The following DLG2 variants were observed in gnomAD, a reference collection of about 807,000 sequenced individuals.
DLG2 encodes the protein disks large homolog 2.
DLG2 carries 45 observed loss-of-function variants against 132.5 expected under a neutral mutation model. The ratio of observed to expected loss-of-function variants is 0.34; its 90% CI spans 0.27 to 0.44. DLG2 has a LOEUF of 0.44. Ranked by LOEUF, DLG2 falls within the 20% of genes least tolerant of loss-of-function variation. The pLI is 1.00. For missense variants in DLG2, 1,045 were observed against 1,196.9 expected (o/e 0.87, Z 1.87); for synonymous variants, 424 against 419.6 (o/e 1.01, Z -0.13).
At chr11:83,915,617 A>ATTT (rs978355540) in intron 15 of DLG2, among the ~76,000 whole-genome samples, 2 of 152,096 alleles carry the variant, frequency 1.3e-5, no homozygotes, top group South Asian at 4.1e-4. Flanking sequence ...TTTTAAAATT[A>ATTT]TTTTTTATTA....
chr11:84,117,647 A>G (rs1017188890), intron 9 of DLG2, among the ~76,000 whole-genome samples: 3 of 152,208 alleles, frequency 2.0e-5, no homozygotes, highest in Admixed American at 1.3e-4. Flanking sequence ...CCCAGAGTAC[A>G]TTGAACTTAC....
At chr11:83,579,323 T>C (rs2096931086) in intron 19 of DLG2, among the ~76,000 whole-genome samples, 2 of 152,248 alleles carry the variant, frequency 1.3e-5, no homozygotes, top group African/African-American at 4.8e-5. Context: ...CTCTATTTTC[T>C]CAGCTGTTCT....
intron 7 of DLG2, among the ~76,000 whole-genome samples, chr11:84,478,208 T>C (rs1047462054): frequency 1.3e-5 from 2 of 152,138 alleles, no homozygotes; most frequent in African/African-American, 4.8e-5. Flanking sequence ...TTGTTTAATA[T>C]AAAAAAGCTT....
chr11:84,696,828 T>A (rs968177886), intron 6 of DLG2, among the ~76,000 whole-genome samples: 19 of 151,496 alleles, frequency 1.3e-4, no homozygotes, highest in Non-Finnish European at 2.2e-4. Context: ...AAATGTCACA[T>A]TGGTAAGTAA....
chr11:84,377,072 G>A (rs1243534027), intron 7 of DLG2, among the ~76,000 whole-genome samples: 3 of 152,070 alleles, frequency 2.0e-5, no homozygotes, highest in African/African-American at 7.2e-5. Flanking sequence ...CTAAAATTAT[G>A]ATTACCAGAT....
chr11:84,736,589 A>G (rs1162653958), intron 6 of DLG2, among the ~76,000 whole-genome samples: 3 of 151,874 alleles, frequency 2.0e-5, no homozygotes, highest in African/African-American at 4.8e-5. Flanking sequence ...ATAATTTCCA[A>G]TGTACTGATT....
intron 6 of DLG2, among the ~76,000 whole-genome samples, chr11:84,550,177 A>G (rs939514370): frequency 6.6e-6 from 1 of 152,022 alleles, no homozygotes; most frequent in African/African-American, 2.4e-5. Flanking sequence ...TATATGCTCA[A>G]TTCAGCCTTA....
chr11:84,082,693 T>C (rs1334550691), intron 10 of DLG2, among the ~76,000 whole-genome samples: 1 of 152,158 alleles, frequency 6.6e-6, no homozygotes, highest in Non-Finnish European at 1.5e-5. Flanking sequence ...CCATGTGCTG[T>C]AGTGAGAAGA....
intron 7 of DLG2, among the ~76,000 whole-genome samples, chr11:84,352,816 A>C (rs955758949): frequency 6.6e-6 from 1 of 152,218 alleles, no homozygotes; most frequent in African/African-American, 2.4e-5. Context: ...AGGACTTGTA[A>C]AAATGAATGG....
chr11:85,194,530 G>A (rs1429970713), intron 4 of DLG2, among the ~76,000 whole-genome samples: 1 of 151,768 alleles, frequency 6.6e-6, no homozygotes, highest in African/African-American at 2.4e-5. Flanking sequence ...AGATACAAAG[G>A]GCCCAGAAGT....
intron 3 of DLG2, among the ~76,000 whole-genome samples, chr11:85,437,315 A>AC (rs943499686): frequency 6.6e-6 from 1 of 151,984 alleles, no homozygotes; most frequent in Non-Finnish European, 1.5e-5. Context: ...TTAAAGTAAA[A>AC]AAAAAAACAA....
chr11:85,205,788 G>T (rs991441032), intron 4 of DLG2, among the ~76,000 whole-genome samples: 7 of 152,150 alleles, frequency 4.6e-5, no homozygotes, highest in Non-Finnish European at 1.0e-4. Context: ...AGATCAGAGT[G>T]TGATGTGGTT....
At chr11:85,317,519 G>C (rs956390551) in intron 3 of DLG2, among the ~76,000 whole-genome samples, 5 of 151,906 alleles carry the variant, frequency 3.3e-5, no homozygotes, top group Admixed American at 3.3e-4. Flanking sequence ...GGTAGAGACA[G>C]GGTCTTACTG....
intron 9 of DLG2, among the ~76,000 whole-genome samples, chr11:84,106,474 T>C (rs558288045): frequency 1.3e-4 from 20 of 152,244 alleles, no homozygotes; most frequent in Non-Finnish European, 2.4e-4. Flanking sequence ...AGTTTTTAAA[T>C]GCTATCTAAT....
chr11:84,033,577 A>C (rs1593545687), intron 11 of DLG2, among the ~76,000 whole-genome samples: 1 of 152,230 alleles, frequency 6.6e-6, no homozygotes, highest in African/African-American at 2.4e-5. Context: ...ATATTGCCTA[A>C]ATTTAGTTGA....
intron 6 of DLG2, among the ~76,000 whole-genome samples, chr11:84,552,691 G>A (rs1057236388): frequency 6.6e-6 from 1 of 152,128 alleles, no homozygotes; most frequent in African/African-American, 2.4e-5. Context: ...ATGGCTGTAG[G>A]ACCTGTGCCA....
chr11:84,174,014 C>CTTGTTTTT, intron 8 of DLG2, among the ~76,000 whole-genome samples: 1 of 61,204 alleles, frequency 1.6e-5, no homozygotes, highest in East Asian at 5.3e-4. Flanking sequence ...ACCCCCCGGC[C>CTTGTTTTT]TTTTTTTTTT....
intron 18 of DLG2, among the ~76,000 whole-genome samples, chr11:83,668,910 C>T: frequency 6.7e-6 from 1 of 149,124 alleles, no homozygotes; most frequent in Non-Finnish European, 1.5e-5. Context: ...AGCCCAGGAA[C>T]AGTTATTCGC....
intron 7 of DLG2, chr11:84,437,562 T>C (rs559394272): frequency 2.0e-5 from 3 of 152,178 alleles, no homozygotes; most frequent in Admixed American, 6.5e-5. Flanking sequence ...AGCTGTCACT[T>C]GCAGGCTGTT....
Sources: gnomAD v4.1 joint callset for allele counts (sites outside exome capture counted in the v4.1 genomes callset) on GRCh38, gnomAD v4.1.1 for gene constraint, MANE v1.5 for transcripts, NCBI Gene and HGNC (gene_info 2026-07-23, HGNC 2026-07-21) for gene names.